Variants in EIF4EBP3 observed in about 807,000 individuals in gnomAD.
The protein encoded by EIF4EBP3 is eukaryotic translation initiation factor 4E binding protein 3, also known as eukaryotic translation initiation factor 4E-binding protein 3.
EIF4EBP3 carries 11 observed loss-of-function variants against 12.1 expected under a neutral mutation model. That is an observed-to-expected ratio of 0.91 (90% CI 0.57 to 1.51). The LOEUF (loss-of-function observed/expected upper bound fraction) is 1.51. EIF4EBP3 is among the 40% of genes most tolerant of loss of function. The pLI is 0.00. For synonymous variants in EIF4EBP3, 43 were observed against 54.2 expected, an observed-to-expected ratio of 0.79 and a Z score of 0.91; for missense variants, 136 against 131.8, an observed-to-expected ratio of 1.03 and a Z score of -0.16.
intron 1 of EIF4EBP3, among the ~76,000 whole-genome samples, 183 bp downstream of exon 1, chr5:140,548,023 A>C (rs1332715360): frequency 6.6e-6 from 1 of 152,236 alleles, no homozygotes; most frequent in Non-Finnish European, 1.5e-5. Context: ...GTGATGCAAC[A>C]AGGCCATGAG....
chr5:140,549,301 A>T lies in EIF4EBP3; in HGVS notation c.*39A>T. ...ACCTGGCATGTGGAGTTACAGAGGG[A>T]TCCCTCATGCCACTGCTGCCACCAC... On this transcript the variant is annotated 3_prime_UTR_variant, in exon 3 of 3. Transcript: ENST00000310331. 6.2e-7 allele frequency: 1 copy of T among 1,614,044 alleles called. No homozygotes were observed.
chr5:140,547,952 A>G, intron 1 of EIF4EBP3, 112 bp downstream of exon 1: 1 of 865,404 alleles, frequency 1.2e-6, no homozygotes, highest in South Asian at 2.3e-5. Context: ...AGGCCCCTCT[A>G]CAGGTTGTAG....
In EIF4EBP3 at chr5:140,548,231, G is replaced by A. The variant is rs558112410; in HGVS notation, c.103+391G>A. 5.3e-5 allele frequency among the ~76,000 whole-genome samples: 8 copies of A among 152,350 alleles called. No individual in the cohort carries two copies. In the East Asian group the frequency reaches 1.5e-3, roughly 29 times the overall value. ...CAGTTGGGGCAGTTGCTCCGTTTTTGTGCTGCTGGCTGGCGTCTGTTTGGT... is the reference window on the plus strand; with the variant it reads ...CAGTTGGGGCAGTTGCTCCGTTTTTATGCTGCTGGCTGGCGTCTGTTTGGT... On this transcript the variant is annotated intron_variant, in intron 1 of 2. Coordinates refer to ENST00000310331, the MANE Select transcript of EIF4EBP3 (RefSeq NM_003732.3).
In EIF4EBP3 at chr5:140,549,267, G is replaced by C. The variant is rs1581394622; in HGVS notation, c.*5G>C. The C allele has an allele frequency of 6.2e-7, 1 of 1,614,178 alleles. No individual in the cohort carries two copies. The highest frequency in any genetic ancestry group is 2.2e-5 in the East Asian group (1 of 44,878). On this transcript the variant is annotated 3_prime_UTR_variant, in exon 3 of 3. Coordinates refer to ENST00000310331, the MANE Select transcript of EIF4EBP3 (RefSeq NM_003732.3). ...CAATTTGAAATGGACATCTAATCCA[G>C]TGCAGATGACCTGGCATGTGGAGTT...
At chr5:140,549,104 C>G (rs1561854031) in intron 2 of EIF4EBP3, 28 bp downstream of exon 2, 2 of 1,613,898 alleles carry the variant, frequency 1.2e-6, no homozygotes. Context: ...TAAGAATTGT[C>G]CCAGCCTTTG....
intron 1 of EIF4EBP3, 33 bp downstream of exon 1, chr5:140,547,873 G>A: frequency 1.4e-6 from 2 of 1,407,194 alleles, no homozygotes; most frequent in South Asian, 3.0e-5. Flanking sequence ...CGCAGGCTGC[G>A]GACATATTAG....
Position 140,549,482 on chromosome 5 carries a change from G to C in EIF4EBP3, c.*220G>C, listed in dbSNP as rs1754478163. The stretch of plus-strand genomic sequence containing the variant: ...AACTCTACTTCCTCTTCAGTCTGTG[G>C]TACTCCTCCTAACCCTAAACCCTCT... On this transcript the variant is annotated 3_prime_UTR_variant, in exon 3 of 3. Coordinates refer to ENST00000310331, the MANE Select transcript of EIF4EBP3 (RefSeq NM_003732.3). The C allele has an allele frequency of 1.5e-6, 1 of 676,530 alleles. No homozygotes were observed. The highest frequency in any genetic ancestry group is 1.8e-5 in the South Asian group (1 of 56,536). The allele number at this position is 676,530 out of a possible 1,614,324, so 41.9% of individuals were successfully genotyped here.
rs987772425 is a variant in EIF4EBP3 at position 140,549,416 on chromosome 5, A to G, written c.*154A>G. The G allele has an allele frequency of 7.5e-7, 1 of 1,325,128 alleles. No individual in the cohort carries two copies. Among genetic ancestry groups the G allele is most frequent in the Admixed American group, 1.8e-5 (1 of 54,586 alleles). 82.1% of individuals were successfully genotyped at this position (1,325,128 alleles called of 1,614,324 possible). The stretch of plus-strand genomic sequence containing the variant: ...TCCAGGCCTCCTTTAGTTCTGAGGC[A>G]GCTAGACCAGGGATAGGAGTGGGCA... On this transcript the variant is annotated 3_prime_UTR_variant, in exon 3 of 3. Transcript: ENST00000310331.
chr5:140,548,953 T>A lies in EIF4EBP3; in HGVS notation c.151T>A (p.Ser51Thr). 1 of 1,614,038 alleles carries A rather than the reference T, an allele frequency of 6.2e-7. No individual in the cohort carries two copies. Among genetic ancestry groups the A allele is most frequent in the South Asian group, 1.1e-5 (1 of 91,082 alleles). ...AAAGTTCCTGCTGGAGTGCAAGAAC[T>A]CACCCATTGCCCGGACACCCCCCTG... ...DRKFLLECKN[S>T]PIARTPPCCL... The change falls in exon 2 of 3, where the codon TCA becomes ACA. Residue 51 changes from serine to threonine, a missense_variant. Physicochemically the swap from Ser to Thr is moderately conservative, Grantham distance 58. Transcript: ENST00000310331.
intron 2 of EIF4EBP3, 49 bp downstream of exon 2, chr5:140,549,125 C>T: frequency 6.2e-7 from 1 of 1,613,848 alleles, no homozygotes; most frequent in Non-Finnish European, 8.5e-7. Context: ...AGTTCAAATG[C>T]CACTGTGACA....
Position 140,547,912 on chromosome 5 carries a change from AG to A in EIF4EBP3, c.103+76del, listed in dbSNP as rs1754418050. On this transcript the variant is annotated intron_variant, in intron 1 of 2. Coordinates refer to ENST00000310331, the MANE Select transcript of EIF4EBP3 (RefSeq NM_003732.3). ...GTGCGTGTTGTTGCGGGGCGGGGGT[AG>A]GGGAGGGACAGACCTAAGACTTGTC... 4.6e-6 allele frequency: 5 copies of A among 1,091,992 alleles called. No homozygotes were observed. The South Asian group carries it at 6.9e-5, about 15-fold the overall frequency. 67.6% of individuals were successfully genotyped at this position (1,091,992 alleles called of 1,614,324 possible).
rs765743247 is a variant in EIF4EBP3, at chr5:140,549,011, C to T, written c.209C>T (p.Pro70Leu). ...CCTCAGATTCCCGGGGTCACAACTC[C>T]TCCAACAGCCCCTCTCTCCAAGCTG... The part of the protein sequence containing the change: ...CLPQIPGVTT[P>L]PTAPLSKLEE... Residue 70 changes from proline (P) to leucine (L), a missense_variant, in exon 2 of 3, where the codon CCT becomes CTT. Physicochemically the swap from Pro to Leu is moderately conservative, Grantham distance 98 (BLOSUM62 -3). Transcript: ENST00000310331. 6.2e-6 allele frequency: 10 copies of T among 1,614,070 alleles called. No individual in the cohort carries two copies. The highest frequency in any genetic ancestry group is 8.5e-6 in the Non-Finnish European group (10 of 1,180,028).
At chr5:140,548,537 C>T (rs1031822182) in intron 1 of EIF4EBP3, among the ~76,000 whole-genome samples, 9 of 152,178 alleles carry the variant, frequency 5.9e-5, no homozygotes, top group African/African-American at 2.2e-4. Context: ...CTAGGTCTCA[C>T]CTTCACTGGT....
Position 140,548,775 on chromosome 5 carries a change from C to T in EIF4EBP3, c.104-131C>T, listed in dbSNP as rs993770103. The T allele has an allele frequency of 1.6e-5, 21 of 1,294,032 alleles. No individual in the cohort carries two copies. The African/African-American group carries it at 1.7e-4, about 10-fold the overall frequency. The allele number at this position is 1,294,032 out of a possible 1,614,324, so 80.2% of individuals were successfully genotyped here. ...TGAGAACCTAGCTGGGCTTCAGAGC[C>T]GATGTCCTTTGATACACAGGGAAAT... On this transcript the variant is annotated intron_variant, in intron 1 of 2. Coordinates refer to ENST00000310331, the MANE Select transcript of EIF4EBP3 (RefSeq NM_003732.3).
At position 140,548,993 on chromosome 5, in the gene EIF4EBP3, T is replaced by A; in HGVS notation, c.191T>A (p.Ile64Asn). 1.2e-6 allele frequency: 2 copies of A among 1,614,090 alleles called. No individual in the cohort carries two copies. Among genetic ancestry groups the A allele is most frequent in the Admixed American group, 3.3e-5 (2 of 60,004 alleles). The change falls in exon 2 of 3, where the codon ATT (isoleucine) becomes AAT (asparagine). Residue 64 changes from isoleucine (I) to asparagine (N), a missense_variant. Coordinates refer to ENST00000310331, the MANE Select transcript of EIF4EBP3 (RefSeq NM_003732.3). ...ACACCCCCCTGCTGCCTCCCTCAGA[T>A]TCCCGGGGTCACAACTCCTCCAACA... ...ARTPPCCLPQ[I>N]PGVTTPPTAP...
chr5:140,548,983 C>T lies in EIF4EBP3; in HGVS notation c.181C>T (p.Leu61Phe). The part of the protein sequence containing the change: ...SPIARTPPCC[L>F]PQIPGVTTPP... ...CATTGCCCGGACACCCCCCTGCTGC[C>T]TCCCTCAGATTCCCGGGGTCACAAC... The change falls in exon 2 of 3, where the codon CTC becomes TTC. Residue 61 changes from leucine to phenylalanine, a missense_variant. By Grantham distance (22) the Leu-to-Phe change is conservative (BLOSUM62 0). Coordinates refer to ENST00000310331, the MANE Select transcript of EIF4EBP3 (RefSeq NM_003732.3). 1 of 1,614,216 alleles carries T rather than the reference C, an allele frequency of 6.2e-7. No homozygotes were observed. Among genetic ancestry groups the T allele is most frequent in the Non-Finnish European group, 8.5e-7 (1 of 1,180,034 alleles).
intron 1 of EIF4EBP3, among the ~76,000 whole-genome samples, chr5:140,548,196 GTAGT>G (rs1187427445): frequency 6.6e-6 from 1 of 152,238 alleles, no homozygotes. Flanking sequence ...GAGAAGTGGA[GTAGT>G]TAGAACAGTT....
chr5:140,549,546 C>A lies in EIF4EBP3; in HGVS notation c.*284C>A. The A allele has an allele frequency of 2.0e-6, 1 of 508,880 alleles. No homozygotes were observed. The highest frequency in any genetic ancestry group is 3.6e-6 in the Non-Finnish European group (1 of 278,964). 31.5% of individuals were successfully genotyped at this position (508,880 alleles called of 1,614,324 possible). A position where few individuals can be genotyped will look rare whatever the true frequency, so the allele number is the denominator to read the frequency against. ...GGAACTGGGGAATGGAGTAAGTCAC[C>A]TTCTGACTGCTTAGTAAACATTCAA... is the stretch of plus-strand genomic sequence containing the variant. On this transcript the variant is annotated 3_prime_UTR_variant, in exon 3 of 3. Transcript: ENST00000310331.
At position 140,547,800 on chromosome 5, in the gene EIF4EBP3, C is replaced by A. The variant is rs959388671; in HGVS notation, c.63C>A (p.Ser21Arg). Reference protein sequence around the residue: ...GGRDQLPDCYSTTPGGTLYAT... With the variant: ...GGRDQLPDCYRTTPGGTLYAT... ...GGGACCAGCTGCCCGACTGCTACAG[C>A]ACCACGCCGGGGGGCACGCTATACG... The change falls in exon 1 of 3, where the codon AGC (serine) becomes AGA (arginine). Residue 21 changes from serine (S) to arginine (R), a missense_variant. By Grantham distance (110) the Ser-to-Arg change is moderately radical. Coordinates refer to ENST00000310331, the MANE Select transcript of EIF4EBP3 (RefSeq NM_003732.3). The A allele has an allele frequency of 2.0e-6, 3 of 1,531,698 alleles. No homozygotes were observed. In the East Asian group the frequency reaches 7.6e-5, roughly 39 times the overall value. The allele number at this position is 1,531,698 out of a possible 1,614,324, so 94.9% of individuals were successfully genotyped here.
Sources: allele counts gnomAD v4.1 joint callset (sites outside exome capture counted in the v4.1 genomes callset), GRCh38; gene constraint gnomAD v4.1.1; transcripts MANE v1.5; gene names NCBI Gene and HGNC (gene_info 2026-07-23, HGNC 2026-07-21).